ITFG1: variants seen among roughly 807,000 people sequenced by gnomAD.
ITFG1 encodes the protein T-cell immunomodulatory protein.
ITFG1 carries 34 observed loss-of-function variants against 81.8 expected under a neutral mutation model. The ratio of observed to expected loss-of-function variants is 0.42; its 90% CI spans 0.32 to 0.55. The LOEUF (loss-of-function observed/expected upper bound fraction) is 0.55. ITFG1 is among the 20% of genes least tolerant of loss of function. The probability of loss-of-function intolerance (pLI) is 0.17; values close to 1 mark genes in which losing one functional copy is unlikely to be tolerated. For synonymous variants in ITFG1, 285 were observed against 270.6 expected (o/e 1.05, Z -0.52); for missense variants, 672 against 755.4 (o/e 0.89, Z 1.29).
chr16:47,451,784 C>A (rs1969392920), intron 4 of ITFG1, among the ~76,000 whole-genome samples: 1 of 152,190 alleles, frequency 6.6e-6, no homozygotes, highest in Non-Finnish European at 1.5e-5. Context: ...CAGCACAGAG[C>A]AGAGCCTGTT....
intron 10 of ITFG1, among the ~76,000 whole-genome samples, chr16:47,292,290 G>T (rs1283152364): frequency 6.6e-6 from 1 of 152,186 alleles, no homozygotes; most frequent in Non-Finnish European, 1.5e-5. Context: ...GGGATTAGAG[G>T]CGTGAGCCAC....
chr16:47,454,144 A>T lies in ITFG1; in HGVS notation c.296T>A (p.Leu99Ter), dbSNP rs769515099. 6.2e-7 allele frequency: 1 copy of T among 1,604,070 alleles called. No homozygotes were observed. Among genetic ancestry groups the T allele is most frequent in the Admixed American group, 1.7e-5 (1 of 58,664 alleles). Reference sequence around the variant, plus strand: ...ATCCCCAGGGACTACACTTGTTATCAATGCACTGTGATTCCTAAAAGAAAC... The same window carrying T: ...ATCCCCAGGGACTACACTTGTTATCTATGCACTGTGATTCCTAAAAGAAAC... The part of the protein sequence containing the change: ...VKVSFKNHSA[L>*]ITSVVPGDYD... Residue 99 changes from leucine (L) to a stop codon, truncating the protein, a stop_gained, in exon 3 of 18, where the codon TTG becomes TAG. Transcript: ENST00000320640. LOFTEE classifies it high-confidence loss of function.
chr16:47,280,650 T>C (rs1966441527), intron 10 of ITFG1, among the ~76,000 whole-genome samples: 2 of 152,198 alleles, frequency 1.3e-5, no homozygotes. Context: ...CTATCTCATC[T>C]ATCTTGAGTT....
At position 47,158,861 on chromosome 16, in the gene ITFG1, A is replaced by T. The variant is rs182107004; in HGVS notation, c.1779+12T>A. The T allele has an allele frequency of 1.7e-4, 240 of 1,424,364 alleles. No individual in the cohort carries two copies. In the African/African-American group the frequency reaches 2.8e-3, roughly 17 times the overall value. 88.2% of individuals were successfully genotyped at this position (1,424,364 alleles called of 1,614,324 possible). ...ATTAACCAAAATTAATGCTTCCTTTAAATGAACAAACCTTTTCCTGCCAAT... is the reference window on the plus strand; with the variant it reads ...ATTAACCAAAATTAATGCTTCCTTTTAATGAACAAACCTTTTCCTGCCAAT... On this transcript the variant is annotated intron_variant, in intron 17 of 17. Transcript: ENST00000320640.
intron 6 of ITFG1, among the ~76,000 whole-genome samples, chr16:47,389,829 G>C (rs1968508579): frequency 2.0e-5 from 3 of 152,138 alleles, no homozygotes; most frequent in Admixed American, 2.0e-4. Flanking sequence ...TGTTACAATA[G>C]AAAATATTCA....
rs752138125 is a variant in ITFG1 at position 47,218,919 on chromosome 16, A to C, written c.1402T>G (p.Tyr468Asp). ...TPFGVNQPGP[Y>D]IMYTTVDANG... is the part of the protein sequence containing the mutation. ...GCATCTACAGTTGTATACATGATAT[A>C]AGGTCCAGGTTGATTCACTCCAAAG... is the stretch of plus-strand genomic sequence containing the variant. Residue 468 changes from tyrosine (Y) to aspartate (D), a missense_variant, in exon 14 of 18, where the codon TAT (tyrosine) becomes GAT (aspartate). Tyr to Asp is a radical substitution (Grantham distance 160). Coordinates refer to ENST00000320640, the MANE Select transcript of ITFG1 (RefSeq NM_030790.5). 6.2e-7 allele frequency: 1 copy of C among 1,602,966 alleles called. No individual in the cohort carries two copies. Among genetic ancestry groups the C allele is most frequent in the South Asian group, 1.1e-5 (1 of 89,394 alleles).
At chr16:47,328,218 A>G (rs1967585533) in intron 8 of ITFG1, among the ~76,000 whole-genome samples, 1 of 152,162 alleles carries the variant, frequency 6.6e-6, no homozygotes, top group Non-Finnish European at 1.5e-5. Flanking sequence ...AACTATCGCA[A>G]GGTCAAAAAA....
At chr16:47,327,480 C>G (rs969685810) in intron 8 of ITFG1, among the ~76,000 whole-genome samples, 10 of 152,138 alleles carry the variant, frequency 6.6e-5, no homozygotes, top group African/African-American at 1.7e-4. Context: ...CAAATGGGAT[C>G]TAATTAAACT....
chr16:47,441,964 T>G (rs1969257765), intron 5 of ITFG1, among the ~76,000 whole-genome samples: 1 of 152,208 alleles, frequency 6.6e-6, no homozygotes, highest in African/African-American at 2.4e-5. Flanking sequence ...CTTAAGCTGA[T>G]AAGCAACTTC....
At chr16:47,458,137 T>C (rs543192817) in intron 2 of ITFG1, among the ~76,000 whole-genome samples, 1 of 152,316 alleles carries the variant, frequency 6.6e-6, no homozygotes, top group Admixed American at 6.5e-5. Context: ...TTTCATCATC[T>C]CTCCTTTGCA....
chr16:47,158,821 G>T (rs1035432145), intron 17 of ITFG1, 52 bp downstream of exon 17: 1 of 872,654 alleles, frequency 1.1e-6, no homozygotes, highest in Non-Finnish European at 1.9e-6. Context: ...AGCAATGTAT[G>T]TATTACTAGA....
At chr16:47,443,803 C>T (rs779190147) in intron 5 of ITFG1, among the ~76,000 whole-genome samples, 6 of 151,942 alleles carry the variant, frequency 3.9e-5, no homozygotes, top group Non-Finnish European at 8.8e-5. Flanking sequence ...ATCTAAATGA[C>T]GAGTTAATGG....
In ITFG1 at chr16:47,343,624, G is replaced by A. The variant is rs560441910; in HGVS notation, c.802+22164C>T. 2.4e-4 allele frequency among the ~76,000 whole-genome samples: 36 copies of A among 152,196 alleles called. No homozygotes were observed. The South Asian group carries it at 6.4e-3, about 27-fold the overall frequency. ...AACAGAAGATCAACATCAGTCATTA[G>A]AGAAACACAAATGAAAGCCACAACG... On this transcript the variant is annotated intron_variant, in intron 8 of 17. Coordinates refer to ENST00000320640, the MANE Select transcript of ITFG1 (RefSeq NM_030790.5).
intron 10 of ITFG1, among the ~76,000 whole-genome samples, chr16:47,275,407 C>CTATA: frequency 6.6e-6 from 1 of 152,216 alleles, no homozygotes; most frequent in African/African-American, 2.4e-5. Flanking sequence ...TAAAATATAG[C>CTATA]TATATAAAAT....
chr16:47,189,595 T>C (rs1013057828), intron 14 of ITFG1, among the ~76,000 whole-genome samples: 20 of 152,364 alleles, frequency 1.3e-4, no homozygotes, highest in Admixed American at 4.6e-4. Context: ...GGTTTACCCA[T>C]TCATCAGTTC....
At chr16:47,208,892 G>A (rs897127407) in intron 14 of ITFG1, among the ~76,000 whole-genome samples, 1 of 152,188 alleles carries the variant, frequency 6.6e-6, no homozygotes, top group Non-Finnish European at 1.5e-5. Context: ...ACAATGCAGG[G>A]AGGGGAGAGG....
chr16:47,282,007 T>A (rs1229293458), intron 10 of ITFG1, among the ~76,000 whole-genome samples: 7 of 151,710 alleles, frequency 4.6e-5, no homozygotes, highest in Non-Finnish European at 7.4e-5. Context: ...TCCCCTCAGC[T>A]TCATGGGTAC....
intron 16 of ITFG1, 72 bp downstream of exon 16, chr16:47,161,678 A>T: frequency 1.0e-6 from 1 of 983,016 alleles, no homozygotes; most frequent in Non-Finnish European, 1.6e-6. Flanking sequence ...GAGAGAGCTT[A>T]AAAGACATCA....
intron 4 of ITFG1, among the ~76,000 whole-genome samples, chr16:47,451,980 C>A (rs1969395265): frequency 6.6e-6 from 1 of 152,086 alleles, no homozygotes; most frequent in Non-Finnish European, 1.5e-5. Flanking sequence ...GGAGAAATAA[C>A]CTAGAAAAAT....
Sources: allele counts gnomAD v4.1 joint callset (sites outside exome capture counted in the v4.1 genomes callset), GRCh38; gene constraint gnomAD v4.1.1; transcripts MANE v1.5; gene names NCBI Gene and HGNC (gene_info 2026-07-23, HGNC 2026-07-21).